MYRIP: variants seen among roughly 807,000 people sequenced by gnomAD.
The protein encoded by MYRIP is rab effector MyRIP.
A neutral mutation model predicts 98.0 loss-of-function variants in MYRIP; 49 were observed. The ratio of observed to expected loss-of-function variants is 0.50; its 90% CI spans 0.40 to 0.63. The LOEUF (loss-of-function observed/expected upper bound fraction) is 0.63, where lower values mean the gene tolerates loss of function less well. Among genes scored for constraint, MYRIP ranks in the 30% least tolerant of loss-of-function variants. The probability of loss-of-function intolerance (pLI) is 0.00; values close to 1 mark genes in which losing one functional copy is unlikely to be tolerated. For synonymous variants in MYRIP, 404 were observed against 409.5 expected, an observed-to-expected ratio of 0.99 and a Z score of 0.16; for missense variants, 1,004 against 1,058.2, an observed-to-expected ratio of 0.95 and a Z score of 0.71.
Position 40,153,462 on chromosome 3 carries a change from C to T in MYRIP, c.469+2278C>T, listed in dbSNP as rs572607428. Reference sequence around the variant, plus strand: ...TTGTAGGTTTGTCATCTGCCATCCTCAATTCATGACTACACATTAGAATCG... The same window carrying T: ...TTGTAGGTTTGTCATCTGCCATCCTTAATTCATGACTACACATTAGAATCG... On this transcript the variant is annotated intron_variant, in intron 4 of 16. Transcript: ENST00000302541. Among the ~76,000 whole-genome samples, 49 of 152,330 alleles carry T rather than the reference C, an allele frequency of 3.2e-4. 2 individuals are homozygous for T. In the South Asian group the frequency reaches 9.5e-3, roughly 30 times the overall value.
Position 39,925,381 on chromosome 3 carries a change from A to T in MYRIP, c.110+24455A>T, listed in dbSNP as rs1352681194. 2.0e-5 allele frequency among the ~76,000 whole-genome samples: 3 copies of T among 151,982 alleles called. No homozygotes were observed. The South Asian group carries it at 6.2e-4, about 32-fold the overall frequency. The stretch of plus-strand genomic sequence containing the variant: ...CAGAGGGTACATGTGCAGATTTGTT[A>T]TGGGGGTATATTGTGTGATGCTGAG... On this transcript the variant is annotated intron_variant, in intron 2 of 16. Coordinates refer to ENST00000302541, the MANE Select transcript of MYRIP (RefSeq NM_015460.4).
At chr3:39,993,602 T>C (rs1435328017) in intron 2 of MYRIP, among the ~76,000 whole-genome samples, 3 of 152,198 alleles carry the variant, frequency 2.0e-5, no homozygotes, top group Non-Finnish European at 4.4e-5. Context: ...GCCTTCTCTC[T>C]CCTCAATCAT....
chr3:39,983,519 T>C (rs1401157443), intron 2 of MYRIP, among the ~76,000 whole-genome samples: 3 of 152,344 alleles, frequency 2.0e-5, no homozygotes, highest in Middle Eastern at 3.4e-3. Flanking sequence ...CTTGGCACAC[T>C]ACATCACCAT....
At position 40,189,939 on chromosome 3, in the gene MYRIP, G is replaced by A. The variant is rs1372559928; in HGVS notation, c.1141G>A (p.Glu381Lys). 1 of 1,614,184 alleles carries A rather than the reference G, an allele frequency of 6.2e-7. No individual in the cohort carries two copies. Among genetic ancestry groups the A allele is most frequent in the East Asian group, 2.2e-5 (1 of 44,862 alleles). Residue 381 changes from glutamate (E) to lysine (K), a missense_variant, in exon 10 of 17, where the codon GAG becomes AAG. Glu to Lys is a moderately conservative substitution (Grantham distance 56, BLOSUM62 1). Coordinates refer to ENST00000302541, the MANE Select transcript of MYRIP (RefSeq NM_015460.4). ...TAAGAGCGGGACGTTTCAGGCCCTG[G>A]AGGTGGCCTCCAGTGTGGCATCTGC... is the stretch of plus-strand genomic sequence containing the variant. ...KPKSGTFQAL[E>K]VASSVASAYD...
At chr3:39,941,252 T>TGA (rs1390675999) in intron 2 of MYRIP, among the ~76,000 whole-genome samples, 4 of 151,950 alleles carry the variant, frequency 2.6e-5, no homozygotes, top group Non-Finnish European at 4.4e-5. Flanking sequence ...CGTGAGTGAG[T>TGA]GAGAGAGGGA....
intron 3 of MYRIP, among the ~76,000 whole-genome samples, chr3:40,144,842 T>G (rs1273594779): frequency 6.6e-6 from 1 of 152,240 alleles, no homozygotes; most frequent in Admixed American, 6.5e-5. Context: ...TCTCTATTCA[T>G]GCTAGGTGCC....
chr3:40,048,634 A>G (rs1339904661), intron 3 of MYRIP, among the ~76,000 whole-genome samples: 2 of 152,146 alleles, frequency 1.3e-5, no homozygotes, highest in Non-Finnish European at 1.5e-5. Flanking sequence ...TTTTCATCTC[A>G]GTGAAAAACA....
intron 3 of MYRIP, among the ~76,000 whole-genome samples, chr3:40,119,121 T>C (rs996755672): frequency 4.6e-5 from 7 of 152,088 alleles, no homozygotes; most frequent in African/African-American, 1.7e-4. Flanking sequence ...AGTCAAATGG[T>C]ATTTCTAGTT....
chr3:40,072,868 A>G (rs1327691962), intron 3 of MYRIP, among the ~76,000 whole-genome samples: 2 of 152,196 alleles, frequency 1.3e-5, no homozygotes. Context: ...TGTTGGATAT[A>G]GAGACATAAA....
Position 40,234,382 on chromosome 3 carries a change from A to T in MYRIP, c.2100+329A>T, listed in dbSNP as rs569340718. ...AGCCTGATCCTGCAGGGAGCTCTGG[A>T]GTAGAAGTTGCATCTCAGAGTTGTC... On this transcript the variant is annotated intron_variant, in intron 12 of 16. Transcript: ENST00000302541. 1.1e-3 allele frequency among the ~76,000 whole-genome samples: 164 copies of T among 152,302 alleles called. 1 individual carries two copies. The highest frequency in any genetic ancestry group is 3.9e-3 in the African/African-American group (161 of 41,576).
intron 1 of MYRIP, among the ~76,000 whole-genome samples, chr3:39,849,085 A>T (rs1359995862): frequency 6.6e-6 from 1 of 152,222 alleles, no homozygotes; most frequent in African/African-American, 2.4e-5. Flanking sequence ...TGTAGAGGGT[A>T]CATCTGTCTA....
chr3:39,929,452 G>A (rs1944491194), intron 2 of MYRIP, among the ~76,000 whole-genome samples: 2 of 152,012 alleles, frequency 1.3e-5, no homozygotes, highest in Non-Finnish European at 2.9e-5. Flanking sequence ...AATAAAGTGC[G>A]ACCAATAGGT....
At chr3:40,221,763 C>G (rs1952344809) in intron 11 of MYRIP, among the ~76,000 whole-genome samples, 1 of 152,214 alleles carries the variant, frequency 6.6e-6, no homozygotes, top group Non-Finnish European at 1.5e-5. Flanking sequence ...TGTGCATACC[C>G]TTTGATCTGG....
intron 13 of MYRIP, among the ~76,000 whole-genome samples, chr3:40,245,725 AGTATAGACCCCTG>A (rs1280059933): frequency 6.9e-6 from 1 of 144,276 alleles, no homozygotes; most frequent in Non-Finnish European, 1.5e-5. Flanking sequence ...GCTTGAGTTC[AGTATAGACCCCTG>A]GTTTGCTGAT....
At chr3:39,953,726 C>T (rs773096252) in intron 2 of MYRIP, among the ~76,000 whole-genome samples, 14 of 152,108 alleles carry the variant, frequency 9.2e-5, no homozygotes, top group Non-Finnish European at 1.5e-4. Flanking sequence ...GGTGGGGCAT[C>T]GCCTTACCCA....
intron 1 of MYRIP, among the ~76,000 whole-genome samples, chr3:39,889,277 C>G (rs978001182): frequency 5.3e-5 from 8 of 152,170 alleles, no homozygotes; most frequent in East Asian, 1.9e-4. Context: ...TTGGAACCAA[C>G]CCAAATGTCC....
chr3:40,004,712 T>C (rs1032082789), intron 2 of MYRIP, among the ~76,000 whole-genome samples: 10 of 152,160 alleles, frequency 6.6e-5, no homozygotes, highest in African/African-American at 2.4e-4. Flanking sequence ...CTCCCACTTA[T>C]AAGTCAGAAG....
intron 4 of MYRIP, among the ~76,000 whole-genome samples, chr3:40,159,693 T>G (rs1226105488): frequency 6.6e-6 from 1 of 152,202 alleles, no homozygotes; most frequent in Non-Finnish European, 1.5e-5. Context: ...TTTGCTCATT[T>G]CTTTTCATTC....
intron 2 of MYRIP, among the ~76,000 whole-genome samples, chr3:40,031,835 T>A (rs1215468840): frequency 6.6e-6 from 1 of 152,184 alleles, no homozygotes; most frequent in East Asian, 1.9e-4. Context: ...GGTGGTGATA[T>A]CCCCTTTATC....
Sources: gnomAD v4.1 joint callset for allele counts (sites outside exome capture counted in the v4.1 genomes callset) on GRCh38, gnomAD v4.1.1 for gene constraint, MANE v1.5 for transcripts, NCBI Gene and HGNC (gene_info 2026-07-23, HGNC 2026-07-21) for gene names.